BNC2: variants seen among roughly 807,000 people sequenced by gnomAD.
BNC2 encodes the protein zinc finger protein basonuclin-2.
Under a neutral mutation model 76.3 loss-of-function variants are expected in BNC2, and 20 were observed. The observed-to-expected ratio is 0.26, with a 90% CI of 0.18 to 0.38. BNC2 has a LOEUF of 0.38. BNC2 is among the 10% of genes least tolerant of loss of function. BNC2 has a pLI of 1.00. For missense variants in BNC2, 1,382 were observed against 1,399.8 expected, an observed-to-expected ratio of 0.99 and a Z score of 0.20; for synonymous variants, 582 against 514.8, an observed-to-expected ratio of 1.13 and a Z score of -1.77.
At chr9:16,764,952 G>A (rs1825651267) in intron 1 of BNC2, among the ~76,000 whole-genome samples, 1 of 151,940 alleles carries the variant, frequency 6.6e-6, no homozygotes, top group African/African-American at 2.4e-5. Context: ...AAAAAAGAAG[G>A]AGAGAGAGAA....
At chr9:16,783,449 C>T (rs978425089) in intron 1 of BNC2, among the ~76,000 whole-genome samples, 1 of 152,170 alleles carries the variant, frequency 6.6e-6, no homozygotes, top group African/African-American at 2.4e-5. Flanking sequence ...TTATGCAAAT[C>T]ACAATGGTTT....
At chr9:16,646,599 A>T (rs148757971) in intron 3 of BNC2, among the ~76,000 whole-genome samples, 3 of 152,308 alleles carry the variant, frequency 2.0e-5, no homozygotes, top group African/African-American at 7.2e-5. Flanking sequence ...AAGGAGATTA[A>T]CTGGAAAAGG....
At chr9:16,747,272 G>A (rs907390252) in intron 1 of BNC2, among the ~76,000 whole-genome samples, 1 of 151,854 alleles carries the variant, frequency 6.6e-6, no homozygotes, top group Non-Finnish European at 1.5e-5. Context: ...AGACTCTTAA[G>A]AATTACAGAA....
intron 5 of BNC2, among the ~76,000 whole-genome samples, chr9:16,496,732 T>C (rs1326899160): frequency 6.6e-6 from 1 of 152,192 alleles, no homozygotes; most frequent in East Asian, 1.9e-4. Flanking sequence ...TTTTTAAAGA[T>C]GGGGAGGGGA....
chr9:16,810,349 C>G (rs11788776), intron 1 of BNC2, among the ~76,000 whole-genome samples: 2 of 151,954 alleles, frequency 1.3e-5, no homozygotes, highest in East Asian at 1.9e-4. Context: ...CTGCCTTTGT[C>G]TTCAGCCTTG....
intron 1 of BNC2, among the ~76,000 whole-genome samples, chr9:16,758,653 T>C (rs1363098370): frequency 3.3e-5 from 5 of 152,134 alleles, no homozygotes; most frequent in African/African-American, 1.2e-4. Context: ...TTATGTAAGA[T>C]ATATATTCAC....
At position 16,703,192 on chromosome 9, in the gene BNC2, A is replaced by G. The variant is rs146712235; in HGVS notation, c.330+24605T>C. ...TACAACATCCTTTTCACAGTTTAAA[A>G]AAAGTGCTTCTATCACTAGGAAAAG... On this transcript the variant is annotated intron_variant, in intron 3 of 6. Transcript: ENST00000380672. Among the ~76,000 whole-genome samples, 291 of 152,332 alleles carry G rather than the reference A, an allele frequency of 1.9e-3. 1 individual carries two copies. The highest frequency in any genetic ancestry group is 0.017 in the Middle Eastern group (5 of 294).
At chr9:16,683,296 C>T (rs758293476) in intron 3 of BNC2, among the ~76,000 whole-genome samples, 5 of 152,166 alleles carry the variant, frequency 3.3e-5, no homozygotes, top group Non-Finnish European at 5.9e-5. Context: ...AGGGGCTCCA[C>T]CAGTCATGAG....
At chr9:16,562,666 T>C (rs1231993683) in intron 4 of BNC2, among the ~76,000 whole-genome samples, 1 of 152,180 alleles carries the variant, frequency 6.6e-6, no homozygotes, top group African/African-American at 2.4e-5. Context: ...AGTATGTAAG[T>C]TCCTCTTTCA....
intron 5 of BNC2, among the ~76,000 whole-genome samples, chr9:16,548,717 T>C (rs1303921937): frequency 1.3e-5 from 2 of 152,220 alleles, no homozygotes; most frequent in African/African-American, 2.4e-5. Context: ...AATTATTCTT[T>C]AGTAGTAGAA....
chr9:16,534,515 T>C (rs1173595454), intron 5 of BNC2, among the ~76,000 whole-genome samples: 1 of 152,216 alleles, frequency 6.6e-6, no homozygotes, highest in East Asian at 1.9e-4. Flanking sequence ...TAATAGTTTA[T>C]GTACCCTGAT....
chr9:16,661,987 T>C (rs1457262107), intron 3 of BNC2, among the ~76,000 whole-genome samples: 12 of 152,210 alleles, frequency 7.9e-5, no homozygotes, highest in Non-Finnish European at 8.8e-5. Flanking sequence ...AACAATTGTC[T>C]TTAAACCACT....
At chr9:16,554,660 GTTC>G (rs1587164014) in intron 4 of BNC2, among the ~76,000 whole-genome samples, 2 of 152,286 alleles carry the variant, frequency 1.3e-5, no homozygotes, top group East Asian at 3.9e-4. Flanking sequence ...TACTATCCCT[GTTC>G]TTCTTCAAGT....
At chr9:16,722,351 G>A (rs566021078) in intron 3 of BNC2, among the ~76,000 whole-genome samples, 2 of 152,202 alleles carry the variant, frequency 1.3e-5, no homozygotes, top group African/African-American at 2.4e-5. Context: ...GGGAGTGGGA[G>A]GATGTGCTGC....
At chr9:16,761,202 T>C (rs976602470) in intron 1 of BNC2, among the ~76,000 whole-genome samples, 28 of 152,264 alleles carry the variant, frequency 1.8e-4, no homozygotes, top group African/African-American at 5.5e-4. Flanking sequence ...GAGCCATGAT[T>C]GTGCCACTGC....
chr9:16,755,198 G>A (rs992216570), intron 1 of BNC2, among the ~76,000 whole-genome samples: 2 of 152,160 alleles, frequency 1.3e-5, no homozygotes, highest in African/African-American at 2.4e-5. Flanking sequence ...TTCAAAAAGA[G>A]AGAGCAAGAG....
At chr9:16,728,466 A>C (rs1216300017) in intron 2 of BNC2, among the ~76,000 whole-genome samples, 1 of 152,100 alleles carries the variant, frequency 6.6e-6, no homozygotes, top group Non-Finnish European at 1.5e-5. Flanking sequence ...TTTTCTCAAC[A>C]ATGCTTTCTG....
intron 3 of BNC2, among the ~76,000 whole-genome samples, chr9:16,650,139 G>A (rs1821752606): frequency 6.6e-6 from 1 of 152,154 alleles, no homozygotes. Context: ...CCTGAATACG[G>A]AATATTAAAG....
At chr9:16,858,976 G>T (rs1320863723) in intron 1 of BNC2, among the ~76,000 whole-genome samples, 2 of 152,112 alleles carry the variant, frequency 1.3e-5, no homozygotes, top group African/African-American at 2.4e-5. Context: ...AAGGGGTATA[G>T]ACATATAGAC....
Sources: gnomAD v4.1 joint callset for allele counts (sites outside exome capture counted in the v4.1 genomes callset) on GRCh38, gnomAD v4.1.1 for gene constraint, MANE v1.5 for transcripts, NCBI Gene and HGNC (gene_info 2026-07-23, HGNC 2026-07-21) for gene names.